Variants in MTMR1 observed in about 807,000 individuals in gnomAD.
MTMR1 encodes the protein myotubularin related protein 1, also known as phosphatidylinositol-3-phosphate phosphatase MTMR1.
Under a neutral mutation model 51.6 loss-of-function variants are expected in MTMR1, and 17 were observed. That is an observed-to-expected ratio of 0.33 (90% CI 0.23 to 0.49). The LOEUF is 0.49. Ranked by LOEUF, MTMR1 falls within the 20% of genes least tolerant of loss-of-function variation. The pLI, the probability that MTMR1 is intolerant of heterozygous loss-of-function variation, is 0.99. For missense variants in MTMR1, 386 were observed against 526.9 expected (o/e 0.73, Z 2.62); for synonymous variants, 201 against 205.6 (o/e 0.98, Z 0.19).
At chrX:150,757,854 C>G (rs1347497894) in intron 15 of MTMR1, among the ~76,000 whole-genome samples, 1 of 111,217 alleles carries the variant, frequency 9.0e-6, no homozygotes, top group South Asian at 3.8e-4. Flanking sequence ...AGTGCTCTGG[C>G]GGCCCTATGT....
intron 2 of MTMR1, among the ~76,000 whole-genome samples, chrX:150,700,985 G>T (rs782482588): frequency 8.9e-6 from 1 of 112,222 alleles, no homozygotes; most frequent in Admixed American, 9.4e-5. Flanking sequence ...AGCTCATGTT[G>T]GAATGGTTGA....
At chrX:150,740,296 G>A (rs1462102143) in intron 12 of MTMR1, among the ~76,000 whole-genome samples, 3 of 111,629 alleles carry the variant, frequency 2.7e-5, no homozygotes, top group Admixed American at 9.5e-5. Flanking sequence ...CAATCTGGTC[G>A]TGTCACCGTC....
At chrX:150,724,896 AC>A (rs1404582191) in intron 4 of MTMR1, among the ~76,000 whole-genome samples, 2 of 111,185 alleles carry the variant, frequency 1.8e-5, no homozygotes, top group Non-Finnish European at 3.8e-5. Flanking sequence ...GTAGGTGTGC[AC>A]CCTTATTTCT....
At chrX:150,695,796 T>C (rs1314864684) in intron 1 of MTMR1, among the ~76,000 whole-genome samples, 5 of 111,312 alleles carry the variant, frequency 4.5e-5, no homozygotes, top group Non-Finnish European at 1.9e-5. Context: ...AGGCTTAAAT[T>C]CATGAGGCAG....
chrX:150,726,297 C>G (rs961197534), intron 4 of MTMR1, among the ~76,000 whole-genome samples: 1 of 111,846 alleles, frequency 8.9e-6, no homozygotes, highest in Non-Finnish European at 1.9e-5. Flanking sequence ...CCCCCTACCT[C>G]TGCCCTGGTC....
intron 15 of MTMR1, among the ~76,000 whole-genome samples, chrX:150,757,013 C>G (rs2042922580): frequency 8.9e-6 from 1 of 112,092 alleles, no homozygotes; most frequent in East Asian, 2.8e-4. Flanking sequence ...GGAGCGTGTA[C>G]CCAGGGCATT....
intron 1 of MTMR1, among the ~76,000 whole-genome samples, chrX:150,694,229 C>T (rs2040591012): frequency 1.8e-5 from 2 of 111,888 alleles, no homozygotes; most frequent in Admixed American, 1.9e-4. Context: ...CCAAACTGCT[C>T]AGGAGGCAAG....
intron 15 of MTMR1, among the ~76,000 whole-genome samples, chrX:150,759,083 C>CA (rs782703087): frequency 5.3e-5 from 6 of 112,582 alleles, no homozygotes; most frequent in Non-Finnish European, 1.9e-5. Context: ...GCTGCCCTGT[C>CA]ACTGGAGTCC....
rs2043246723 is a variant in MTMR1, at chrX:150,764,789, T to TTTTG, written c.*2064_*2067dup. On this transcript the variant is annotated 3_prime_UTR_variant, in exon 16 of 16. Transcript: ENST00000445323. ...AGTATAGTTTTGTTATCTAAGCAAT[T>TTTTG]TTTGTTTTAAGTAAGTAAGTGTACT... 8.9e-6 allele frequency: 1 copy of TTTTG among 112,918 alleles called. No individual in the cohort carries two copies. Among genetic ancestry groups the TTTTG allele is most frequent in the Non-Finnish European group, 1.9e-5 (1 of 53,379 alleles). The allele number at this position is 112,918 out of a possible 1,213,427, so 9.3% of individuals were successfully genotyped here. A position where few individuals can be genotyped will look rare whatever the true frequency, so the allele number is the denominator to read the frequency against.
At position 150,764,367 on chromosome X, in the gene MTMR1, CAT is replaced by C. The variant is rs782714699; in HGVS notation, c.*1641_*1642del. The C allele has an allele frequency of 1.8e-5, 2 of 111,890 alleles. No homozygotes were observed. Among genetic ancestry groups the C allele is most frequent in the Non-Finnish European group, 3.8e-5 (2 of 53,207 alleles). The allele number at this position is 111,890 out of a possible 1,213,427, so 9.2% of individuals were successfully genotyped here. ...CTAAAATCAATTCTCCATTTTTTAT[CAT>C]ATGTGGGATTTGTTGCTAAGTCGTG... On this transcript the variant is annotated 3_prime_UTR_variant, in exon 16 of 16. Coordinates refer to ENST00000445323, the MANE Select transcript of MTMR1 (RefSeq NM_001306144.3).
At chrX:150,731,903 T>A (rs5925418) in intron 9 of MTMR1, among the ~76,000 whole-genome samples, 2 of 110,816 alleles carry the variant, frequency 1.8e-5, no homozygotes, top group Non-Finnish European at 3.8e-5. Context: ...CAACAAGTTA[T>A]CATGCTATTG....
chrX:150,735,501 C>A, intron 10 of MTMR1: 1 of 501,797 alleles, frequency 2.0e-6, no homozygotes, highest in Non-Finnish European at 3.6e-6. Context: ...ATGGAATGAA[C>A]TAGGAAGTAT....
rs1028708643 is a variant in MTMR1 at position 150,733,810 on chromosome X, G to A, written c.1080+1080G>A. Among the ~76,000 whole-genome samples the A allele has an allele frequency of 2.7e-5, 3 of 111,630 alleles. No homozygotes were observed. The South Asian group carries it at 1.1e-3, about 42-fold the overall frequency. ...GTGGTGAGTGCATCCTCAGGGCACA[G>A]TACATGATGCTGATAAGCTCGCCAC... On this transcript the variant is annotated intron_variant, in intron 10 of 15. Coordinates refer to ENST00000445323, the MANE Select transcript of MTMR1 (RefSeq NM_001306144.3).
rs782762145 is a variant in MTMR1, at chrX:150,736,734, G to A, written c.1220G>A (p.Arg407Gln). ...EIVYPSIDEA[R>Q]WLSNVDGTHW... ...GTGTACCCTTCGATCGATGAGGCGC[G>A]GTGGCTCTCCAATGTGGATGGGACG... Residue 407 changes from arginine (R) to glutamine (Q), a missense_variant, in exon 11 of 16, where the codon CGG (arginine) becomes CAG (glutamine). Coordinates refer to ENST00000445323, the MANE Select transcript of MTMR1 (RefSeq NM_001306144.3). The A allele has an allele frequency of 4.1e-6, 5 of 1,210,724 alleles. No homozygotes were observed. Among genetic ancestry groups the A allele is most frequent in the Non-Finnish European group, 4.5e-6 (4 of 894,913 alleles).
intron 13 of MTMR1, among the ~76,000 whole-genome samples, chrX:150,744,747 TAAGG>T (rs1202745201): frequency 8.9e-6 from 1 of 112,016 alleles, no homozygotes; most frequent in Non-Finnish European, 1.9e-5. Flanking sequence ...TTCAAAAGGT[TAAGG>T]AAGTACAGTC....
rs1294647471 is a variant in MTMR1 at position 150,715,141 on chromosome X, T to C, written c.276+2776T>C. 2.7e-5 allele frequency among the ~76,000 whole-genome samples: 3 copies of C among 111,883 alleles called. 1 individual carries two copies. The highest frequency in any genetic ancestry group is 9.8e-5 in the African/African-American group (3 of 30,756). ...TGCTCAGCTGCACCATTGTCCACCA[T>C]CATCCAGCCCCACTCTCCTTTGGTG... On this transcript the variant is annotated intron_variant, in intron 3 of 15. Transcript: ENST00000445323.
At chrX:150,722,192 C>T (rs137954370) in intron 4 of MTMR1, among the ~76,000 whole-genome samples, 98 of 111,986 alleles carry the variant, frequency 8.8e-4, no homozygotes, top group African/African-American at 3.0e-3. Flanking sequence ...AAATGTTCTA[C>T]ATGCAGTTGA....
chrX:150,731,989 G>A (rs1030638217), intron 9 of MTMR1, among the ~76,000 whole-genome samples: 28 of 111,757 alleles, frequency 2.5e-4, no homozygotes, highest in Non-Finnish European at 5.1e-4. Context: ...TGAGCATGAT[G>A]CCATAGCTGC....
At chrX:150,730,425 C>A in intron 7 of MTMR1, 100 bp from the exon 8 acceptor site, 1 of 603,270 alleles carries the variant, frequency 1.7e-6, no homozygotes, top group Non-Finnish European at 2.5e-6. Flanking sequence ...AAATAGGAAT[C>A]TTAATACACT....
Sources: gnomAD v4.1 joint callset for allele counts (sites outside exome capture counted in the v4.1 genomes callset) on GRCh38, gnomAD v4.1.1 for gene constraint, MANE v1.5 for transcripts, NCBI Gene and HGNC (gene_info 2026-07-23, HGNC 2026-07-21) for gene names.